MGAM2: variants seen among roughly 807,000 people sequenced by gnomAD.
MGAM2 encodes the protein maltase-glucoamylase 2 (putative).
In MGAM2, 98 loss-of-function variants were observed where a neutral mutation model predicts 96.1. The observed-to-expected ratio is 1.02, with a 90% CI of 0.87 to 1.21. The LOEUF (loss-of-function observed/expected upper bound fraction) is 1.21, where lower values mean the gene tolerates loss of function less well. MGAM2 is among the 50% of genes most tolerant of loss of function. The pLI is 0.00. For synonymous variants in MGAM2, 749 were observed against 414.8 expected (o/e 1.81, Z -9.79); for missense variants, 2,055 against 1,182.4 (o/e 1.74, Z -10.82).
At chr7:142,169,476 G>A (rs1198522483) in intron 26 of MGAM2, among the ~76,000 whole-genome samples, 1 of 151,908 alleles carries the variant, frequency 6.6e-6, no homozygotes, top group Admixed American at 6.6e-5. Flanking sequence ...ACAAATTTGG[G>A]ACTAATAATA....
intron 30 of MGAM2, among the ~76,000 whole-genome samples, 163 bp downstream of exon 30, chr7:142,172,927 A>G (rs904572676): frequency 2.0e-5 from 3 of 152,246 alleles, no homozygotes; most frequent in Non-Finnish European, 4.4e-5. Flanking sequence ...GGTTCTATAA[A>G]GCCATATTAA....
intron 37 of MGAM2, among the ~76,000 whole-genome samples, chr7:142,194,412 C>G (rs191225307): frequency 6.6e-6 from 1 of 152,242 alleles, no homozygotes; most frequent in Non-Finnish European, 1.5e-5. Flanking sequence ...TCTTTTCCTG[C>G]TTTCAGTTGG....
chr7:142,147,238 G>A (rs1017556051), intron 14 of MGAM2, among the ~76,000 whole-genome samples: 2 of 152,168 alleles, frequency 1.3e-5, no homozygotes, highest in African/African-American at 4.8e-5. Context: ...TGAGCTCAAG[G>A]GAATGCAGAT....
chr7:142,123,963 C>CCTTT (rs1794659812), intron 3 of MGAM2, among the ~76,000 whole-genome samples: 2 of 98,098 alleles, frequency 2.0e-5, no homozygotes, highest in Admixed American at 1.0e-4. Context: ...AGTCCAGAAA[C>CCTTT]TTTTTTTTTT....
Position 142,143,347 on chromosome 7 carries a change from T to C in MGAM2, c.1318-422T>C, listed in dbSNP as rs1795290513. On this transcript the variant is annotated intron_variant, in intron 12 of 47. Coordinates refer to ENST00000477922, the MANE Select transcript of MGAM2 (RefSeq NM_001293626.2). ...AACCATTTATAAAATATTGCTTATA[T>C]GCCAAAAATATCAACACATTATTTA... 3.3e-5 allele frequency among the ~76,000 whole-genome samples: 5 copies of C among 152,160 alleles called. No homozygotes were observed. In the South Asian group the frequency reaches 1.0e-3, roughly 32 times the overall value.
intron 35 of MGAM2, among the ~76,000 whole-genome samples, chr7:142,186,768 G>A (rs1045718218): frequency 7.9e-5 from 12 of 152,122 alleles, no homozygotes; most frequent in African/African-American, 2.7e-4. Context: ...ACTGGAAGAA[G>A]TCTGTGATTC....
At chr7:142,146,480 A>G (rs1319848123) in intron 14 of MGAM2, among the ~76,000 whole-genome samples, 2 of 151,950 alleles carry the variant, frequency 1.3e-5, no homozygotes, top group Non-Finnish European at 2.9e-5. Flanking sequence ...GAAAAACTCA[A>G]CCTCAGTCTT....
chr7:142,202,228 G>A (rs766419509), intron 45 of MGAM2, among the ~76,000 whole-genome samples: 1 of 152,176 alleles, frequency 6.6e-6, no homozygotes, highest in Non-Finnish European at 1.5e-5. Flanking sequence ...CTGTCCCTGG[G>A]TATCCATAGG....
At chr7:142,197,072 A>C (rs1585208481) in intron 40 of MGAM2, among the ~76,000 whole-genome samples, 1 of 152,242 alleles carries the variant, frequency 6.6e-6, no homozygotes, top group African/African-American at 2.4e-5. Flanking sequence ...AAATGAAAGA[A>C]GATCCCTTTG....
At position 142,131,578 on chromosome 7, in the gene MGAM2, C is replaced by T. The variant is rs1359429198; in HGVS notation, c.371C>T (p.Thr124Ile). ...TCTCTGTTTGGAAATGATGTCGCCA[C>T]CACCCTTTTCACAGCTGAATATCAG... ...SPSLFGNDVA[T>I]TLFTAEYQTS... Residue 124 changes from threonine (T) to isoleucine (I), a missense_variant, in exon 5 of 48, where the codon ACC becomes ATC. Physicochemically the swap from Thr to Ile is moderately conservative, Grantham distance 89 (BLOSUM62 -1). Transcript: ENST00000477922. The T allele has an allele frequency of 2.8e-6, 2 of 703,074 alleles. No homozygotes were observed. Among genetic ancestry groups the T allele is most frequent in the East Asian group, 5.4e-5 (2 of 37,290 alleles). The allele number at this position is 703,074 out of a possible 1,614,324, so 43.6% of individuals were successfully genotyped here. A position where few individuals can be genotyped will look rare whatever the true frequency, so the allele number is the denominator to read the frequency against.
At chr7:142,131,872 C>T (rs1794899281) in intron 5 of MGAM2, 59 bp from the exon 6 acceptor site, 4 of 650,918 alleles carry the variant, frequency 6.1e-6, no homozygotes, top group African/African-American at 3.6e-5. Context: ...TCTTTTGTAG[C>T]TCTGTCTACA....
chr7:142,111,961 G>T (rs530674191), intron 1 of MGAM2, among the ~76,000 whole-genome samples, 154 bp downstream of exon 1: 1 of 151,334 alleles, frequency 6.6e-6, no homozygotes, highest in East Asian at 1.9e-4. Context: ...CATAAAATAT[G>T]AGGAGTGAGG....
intron 23 of MGAM2, among the ~76,000 whole-genome samples, chr7:142,163,833 G>C (rs1795958151): frequency 6.6e-6 from 1 of 151,978 alleles, no homozygotes; most frequent in Admixed American, 6.6e-5. Context: ...GTATTTCTCT[G>C]ATGGCTAATG....
chr7:142,220,756 C>A lies in MGAM2; in HGVS notation c.6245C>A (p.Thr2082Asn). Residue 2082 changes from threonine to asparagine, a missense_variant, in exon 48 of 48, where the codon ACT (threonine) becomes AAT (asparagine). Transcript: ENST00000477922. ...ANTSNTVPNT[T>N]MPSPTSSTTV... ...ACTAGTAATACTGTTCCTAATACCA[C>A]TATGCCTTCTCCTACAAGTAGTACT... is the stretch of plus-strand genomic sequence containing the variant. 1 of 702,200 alleles carries A rather than the reference C, an allele frequency of 1.4e-6. No individual in the cohort carries two copies. The highest frequency in any genetic ancestry group is 2.6e-6 in the Non-Finnish European group (1 of 384,790). 43.5% of individuals were successfully genotyped at this position (702,200 alleles called of 1,614,324 possible). A position where few individuals can be genotyped will look rare whatever the true frequency, so the allele number is the denominator to read the frequency against.
In MGAM2 at chr7:142,167,375, C is replaced by T. The variant is rs779646689; in HGVS notation, c.2916C>T (p.Leu972=). The T allele has an allele frequency of 2.0e-5, 14 of 702,798 alleles. No homozygotes were observed. The highest frequency in any genetic ancestry group is 6.0e-5 in the Admixed American group (3 of 49,976). The allele number at this position is 702,798 out of a possible 1,614,324, so 43.5% of individuals were successfully genotyped here. The change falls in exon 26 of 48, where the codon CTC becomes CTT. Residue 972 remains leucine (L), a synonymous_variant. Coordinates refer to ENST00000477922, the MANE Select transcript of MGAM2 (RefSeq NM_001293626.2). The stretch of plus-strand genomic sequence containing the variant: ...CCAGCATCACTGCAGACCTTTCCCT[C>T]CCGATGGCCCCTGAGTCAGCTGCTG... ...LNTSITADLS[L]PMAPESAAAA... is the part of the protein sequence containing the mutation.
At position 142,196,253 on chromosome 7, in the gene MGAM2, A is replaced by G. The variant is rs1478738599; in HGVS notation, c.4446A>G (p.Thr1482=). Residue 1482 remains threonine (T), a synonymous_variant, in exon 38 of 48, where the codon ACA becomes ACG. Transcript: ENST00000477922. ...RWGGHRLGNN[T]AAWDQLGKSI... ...GAGGACACCGGTTGGGAAACAACAC[A>G]GCTGCATGGGACCAGCTGGGGAAAT... The G allele has an allele frequency of 1.2e-6, 1 of 853,430 alleles. No individual in the cohort carries two copies. The highest frequency in any genetic ancestry group is 2.0e-6 in the Non-Finnish European group (1 of 509,340). The allele number at this position is 853,430 out of a possible 1,614,324, so 52.9% of individuals were successfully genotyped here. A position where few individuals can be genotyped will look rare whatever the true frequency, so the allele number is the denominator to read the frequency against.
chr7:142,139,641 C>G (rs1795160065), intron 10 of MGAM2, among the ~76,000 whole-genome samples: 1 of 128,962 alleles, frequency 7.8e-6, no homozygotes, highest in Non-Finnish European at 1.6e-5. Flanking sequence ...GCCTGGGTGA[C>G]AGAGTGAGGC....
At chr7:142,188,019 A>G (rs1261875654) in intron 36 of MGAM2, among the ~76,000 whole-genome samples, 185 bp downstream of exon 36, 5 of 151,920 alleles carry the variant, frequency 3.3e-5, no homozygotes, top group Non-Finnish European at 5.9e-5. Context: ...TAATGACATG[A>G]TGTGGTGTGA....
chr7:142,187,156 T>A (rs1267828492), intron 35 of MGAM2, among the ~76,000 whole-genome samples: 1 of 152,232 alleles, frequency 6.6e-6, no homozygotes, highest in Admixed American at 6.5e-5. Context: ...AAGTAACAAA[T>A]TCCCCAAAGT....
Sources: allele counts gnomAD v4.1 joint callset (sites outside exome capture counted in the v4.1 genomes callset), GRCh38; gene constraint gnomAD v4.1.1; transcripts MANE v1.5; gene names NCBI Gene and HGNC (gene_info 2026-07-23, HGNC 2026-07-21).